PSMA5: variants seen among roughly 807,000 people sequenced by gnomAD.
The protein encoded by PSMA5 is proteasome 20S subunit alpha 5, also known as proteasome subunit alpha type-5.
PSMA5 carries 3 observed loss-of-function variants against 34.5 expected under a neutral mutation model. That is an observed-to-expected ratio of 0.09 (90% CI 0.04 to 0.22). PSMA5 has a LOEUF of 0.22. PSMA5 is among the 10% of genes least tolerant of loss of function. The pLI is 1.00. For missense variants in PSMA5, 120 were observed against 286.1 expected, an observed-to-expected ratio of 0.42 and a Z score of 4.19; for synonymous variants, 88 against 95.8, an observed-to-expected ratio of 0.92 and a Z score of 0.47.
chr1:109,417,198 T>C lies in PSMA5; in HGVS notation c.97-1835A>G, dbSNP rs542965320. Among the ~76,000 whole-genome samples, 5 of 152,316 alleles carry C rather than the reference T, an allele frequency of 3.3e-5. No homozygotes were observed. The South Asian group carries it at 1.0e-3, about 32-fold the overall frequency. On this transcript the variant is annotated intron_variant, in intron 2 of 8. Coordinates refer to ENST00000271308, the MANE Select transcript of PSMA5 (RefSeq NM_002790.4). ...AGTTCCACGCCTTCCTTAAGTCTAT[T>C]GATGTAAGATTAAAGGACTTCTAAA...
At chr1:109,413,230 G>T in intron 3 of PSMA5, 95 bp from the exon 4 acceptor site, 1 of 1,165,586 alleles carries the variant, frequency 8.6e-7, no homozygotes, top group Non-Finnish European at 1.3e-6. Context: ...TGGAACCACG[G>T]CAGCCATTCA....
intron 8 of PSMA5, among the ~76,000 whole-genome samples, chr1:109,404,937 G>A (rs868584918): frequency 6.6e-6 from 1 of 152,340 alleles, no homozygotes; most frequent in South Asian, 2.1e-4. Context: ...AGGCTTCAGG[G>A]AGAAGCAACT....
intron 1 of PSMA5, among the ~76,000 whole-genome samples, chr1:109,424,221 C>G (rs780322457): frequency 5.9e-5 from 9 of 152,162 alleles, no homozygotes; most frequent in African/African-American, 9.7e-5. Context: ...ATCAAAACTT[C>G]CATGGTATTG....
intron 1 of PSMA5, chr1:109,425,416 G>A (rs1442783032): frequency 6.6e-6 from 1 of 152,096 alleles, no homozygotes; most frequent in Non-Finnish European, 1.5e-5. Context: ...TAGGACAGTG[G>A]GGAAATATGT....
At chr1:109,411,194 A>G (rs1470084502) in intron 6 of PSMA5, 81 bp from the exon 7 acceptor site, 1 of 943,016 alleles carries the variant, frequency 1.1e-6, no homozygotes, top group Non-Finnish European at 1.7e-6. Flanking sequence ...AAAACAAAGT[A>G]TAAATGCTTG....
rs1654139754 is a variant in PSMA5, at chr1:109,415,143, T to C, written c.223+94A>G. On this transcript the variant is annotated intron_variant, in intron 3 of 8. Coordinates refer to ENST00000271308, the MANE Select transcript of PSMA5 (RefSeq NM_002790.4). The stretch of plus-strand genomic sequence containing the variant: ...TGGAAAATAATAGCTAACAAGGGGA[T>C]AACGTGTTCATTTCATAAACCTTCC... The C allele has an allele frequency of 8.6e-6, 12 of 1,398,226 alleles. No individual in the cohort carries two copies. The South Asian group carries it at 1.8e-4, about 21-fold the overall frequency. 86.6% of individuals were successfully genotyped at this position (1,398,226 alleles called of 1,614,324 possible). A position where few individuals can be genotyped will look rare whatever the true frequency, so the allele number is the denominator to read the frequency against.
chr1:109,406,385 C>G lies in PSMA5; in HGVS notation c.648+3543G>C, dbSNP rs554803405. On this transcript the variant is annotated intron_variant, in intron 8 of 8. Transcript: ENST00000271308. ...GAAATGTAACAGAATTGATGCAACACAGGTGAATCTCAAAATCATGCCAAG... is the reference window on the plus strand; with the variant it reads ...GAAATGTAACAGAATTGATGCAACAGAGGTGAATCTCAAAATCATGCCAAG... Among the ~76,000 whole-genome samples, 6 of 152,146 alleles carry G rather than the reference C, an allele frequency of 3.9e-5. No individual in the cohort carries two copies. In the East Asian group the frequency reaches 9.6e-4, roughly 24 times the overall value.
rs1232462885 is a variant in PSMA5 at position 109,412,104 on chromosome 1, T to C, written c.372A>G (p.Gly124=). ...TGGCACCTGGATCTGCATCTTCTTC[T>C]CCAAACTGCAAAGCCAGATTGGACA... ...QAVSNLALQF[G]EEDADPGAMS... is the part of the protein sequence containing the mutation. Residue 124 remains glycine, a synonymous_variant, in exon 5 of 9, where the codon GGA becomes GGG. Coordinates refer to ENST00000271308, the MANE Select transcript of PSMA5 (RefSeq NM_002790.4). The C allele has an allele frequency of 6.2e-7, 1 of 1,614,052 alleles. No homozygotes were observed. Among genetic ancestry groups the C allele is most frequent in the South Asian group, 1.1e-5 (1 of 91,076 alleles).
At chr1:109,421,331 G>A (rs748269992) in intron 2 of PSMA5, among the ~76,000 whole-genome samples, 1 of 151,858 alleles carries the variant, frequency 6.6e-6, no homozygotes, top group African/African-American at 2.4e-5. Flanking sequence ...TGAGGTCAGG[G>A]GTTCGAGACC....
intron 5 of PSMA5, 47 bp downstream of exon 5, chr1:109,412,030 A>G (rs763250660): frequency 1.8e-5 from 28 of 1,587,358 alleles, no homozygotes; most frequent in Non-Finnish European, 2.2e-5. Flanking sequence ...CAAATGTCCT[A>G]AGTCCCATAG....
intron 3 of PSMA5, 116 bp downstream of exon 3, chr1:109,415,121 A>C: frequency 7.7e-7 from 1 of 1,301,226 alleles, no homozygotes; most frequent in Non-Finnish European, 1.0e-6. Flanking sequence ...TACTGCCTGG[A>C]AAATAATAGC....
chr1:109,411,760 G>T, intron 6 of PSMA5, 117 bp downstream of exon 6: 1 of 984,200 alleles, frequency 1.0e-6, no homozygotes, highest in Non-Finnish European at 1.6e-6. Context: ...AAGTAGCTGG[G>T]ACTACAGGTG....
intron 2 of PSMA5, 82 bp from the exon 3 acceptor site, chr1:109,415,445 T>G: frequency 7.0e-7 from 1 of 1,423,784 alleles, no homozygotes; most frequent in Non-Finnish European, 9.4e-7. Context: ...CTGTAAATCT[T>G]CACATGATAG....
chr1:109,419,480 C>A (rs964338716), intron 2 of PSMA5, among the ~76,000 whole-genome samples: 1 of 152,054 alleles, frequency 6.6e-6, no homozygotes, highest in African/African-American at 2.4e-5. Flanking sequence ...CCAGCCTGTG[C>A]AACACAGCGA....
intron 2 of PSMA5, among the ~76,000 whole-genome samples, chr1:109,416,168 C>CCT (rs1337048397): frequency 6.6e-6 from 1 of 151,986 alleles, no homozygotes; most frequent in African/African-American, 2.4e-5. Context: ...ACTTCAATAG[C>CCT]CTCTCTCATC....
chr1:109,406,076 A>C lies in PSMA5; in HGVS notation c.648+3852T>G, dbSNP rs144425895. Among the ~76,000 whole-genome samples, 713 of 152,340 alleles carry C rather than the reference A, an allele frequency of 4.7e-3. 2 individuals carry two copies. Among genetic ancestry groups the C allele is most frequent in the Non-Finnish European group, 8.4e-3 (574 of 68,026 alleles). On this transcript the variant is annotated intron_variant, in intron 8 of 8. Coordinates refer to ENST00000271308, the MANE Select transcript of PSMA5 (RefSeq NM_002790.4). ...CCAAGATTAGAAATATGGGAAGATGAAATGGTTTTTAGGAAAGATAATGAT... is the reference window on the plus strand; with the variant it reads ...CCAAGATTAGAAATATGGGAAGATGCAATGGTTTTTAGGAAAGATAATGAT...
At chr1:109,402,275 G>A (rs1010830904) in intron 8 of PSMA5, among the ~76,000 whole-genome samples, 185 bp from the exon 9 acceptor site, 2 of 152,132 alleles carry the variant, frequency 1.3e-5, no homozygotes. Flanking sequence ...AAATAAAAAT[G>A]CTTATTGACC....
chr1:109,408,176 A>T (rs1048543119), intron 8 of PSMA5, among the ~76,000 whole-genome samples: 2 of 152,144 alleles, frequency 1.3e-5, no homozygotes. Flanking sequence ...AAAAAAGGAC[A>T]TTCCCAAGCT....
chr1:109,423,921 C>G (rs1163318576), intron 1 of PSMA5, among the ~76,000 whole-genome samples: 4 of 152,292 alleles, frequency 2.6e-5, no homozygotes, highest in Admixed American at 2.0e-4. Context: ...AAATAGGACC[C>G]AAACTCCTTA....
Sources: allele counts gnomAD v4.1 joint callset (sites outside exome capture counted in the v4.1 genomes callset), GRCh38; gene constraint gnomAD v4.1.1; transcripts MANE v1.5; gene names NCBI Gene and HGNC (gene_info 2026-07-23, HGNC 2026-07-21).